Variants in APBB2 observed in about 807,000 individuals in gnomAD.
APBB2 encodes the protein Fe65-like 1.
In APBB2, 38 loss-of-function variants were observed where a neutral mutation model predicts 82.5. The observed-to-expected ratio is 0.46, with a 90% CI of 0.36 to 0.60. APBB2 has a LOEUF of 0.60. APBB2 is among the 20% of genes least tolerant of loss of function. The pLI, the probability that APBB2 is intolerant of heterozygous loss-of-function variation, is 0.00. For missense variants in APBB2, 772 were observed against 972.3 expected (o/e 0.79, Z 2.74); for synonymous variants, 341 against 368.2 (o/e 0.93, Z 0.85).
At chr4:40,931,490 A>C (rs1236855183) in intron 10 of APBB2, among the ~76,000 whole-genome samples, 1 of 152,104 alleles carries the variant, frequency 6.6e-6, no homozygotes, top group East Asian at 1.9e-4. Flanking sequence ...GGCTGGTCTC[A>C]AACTCCTGGG....
At chr4:41,210,212 C>T (rs191097887) in intron 1 of APBB2, among the ~76,000 whole-genome samples, 109 of 152,294 alleles carry the variant, frequency 7.2e-4, no homozygotes, top group African/African-American at 2.6e-3. Context: ...GCTGGGGACC[C>T]CTGCTCTTAA....
rs944608707 is a variant in APBB2, at chr4:41,112,793, G to T, written c.-260-12043C>A. ...TCATGAGGTCAGGAGTTCGAGACCA[G>T]CCTGACCAACATGGTGAAACCCCAT... On this transcript the variant is annotated intron_variant, in intron 2 of 17. Transcript: ENST00000508593. Among the ~76,000 whole-genome samples, 7 of 152,082 alleles carry T rather than the reference G, an allele frequency of 4.6e-5. 1 individual carries two copies.
chr4:41,089,286 G>A (rs912905958), intron 3 of APBB2, among the ~76,000 whole-genome samples: 3 of 152,120 alleles, frequency 2.0e-5, no homozygotes, highest in Admixed American at 6.5e-5. Context: ...TGGGATTTTG[G>A]AATATTTGCA....
intron 6 of APBB2, among the ~76,000 whole-genome samples, chr4:40,956,648 G>A (rs1359947732): frequency 6.6e-6 from 1 of 151,614 alleles, no homozygotes; most frequent in African/African-American, 2.4e-5. Flanking sequence ...AACAGTTCTG[G>A]GAGTGTTAAT....
At chr4:40,822,806 C>G (rs992505930) in intron 16 of APBB2, among the ~76,000 whole-genome samples, 1 of 152,050 alleles carries the variant, frequency 6.6e-6, no homozygotes, top group Non-Finnish European at 1.5e-5. Flanking sequence ...TGTGAGAGGT[C>G]GGGAAGTTTT....
chr4:40,961,501 G>C (rs1793196497), intron 6 of APBB2, among the ~76,000 whole-genome samples: 2 of 97,092 alleles, frequency 2.1e-5, no homozygotes, highest in Admixed American at 1.2e-4. Context: ...TTGTGGGGTG[G>C]GGGGAGGGGG....
chr4:40,984,758 G>T (rs1001539442), intron 6 of APBB2, among the ~76,000 whole-genome samples: 2 of 152,120 alleles, frequency 1.3e-5, no homozygotes, highest in Non-Finnish European at 2.9e-5. Context: ...TTTTGGTAAA[G>T]AATAGTTTGC....
intron 1 of APBB2, among the ~76,000 whole-genome samples, chr4:41,203,934 CA>C (rs1313988119): frequency 1.3e-5 from 2 of 152,218 alleles, no homozygotes; most frequent in African/African-American, 2.4e-5. Flanking sequence ...TCTTAACAAA[CA>C]TGCTTTTCAA....
intron 12 of APBB2, among the ~76,000 whole-genome samples, chr4:40,869,947 T>C (rs1235696855): frequency 6.6e-6 from 1 of 151,586 alleles, no homozygotes; most frequent in Admixed American, 6.6e-5. Flanking sequence ...TCTCCTGAAA[T>C]GAACAGAGTA....
At chr4:41,113,744 A>G (rs367951629) in intron 2 of APBB2, among the ~76,000 whole-genome samples, 10 of 152,296 alleles carry the variant, frequency 6.6e-5, no homozygotes, top group African/African-American at 2.4e-4. Flanking sequence ...TACTTTTATT[A>G]TGAAGCTTCC....
At chr4:41,142,505 A>G (rs1759538075) in intron 2 of APBB2, among the ~76,000 whole-genome samples, 1 of 152,184 alleles carries the variant, frequency 6.6e-6, no homozygotes, top group African/African-American at 2.4e-5. Context: ...GGCCAAGCAG[A>G]CTGGAGGCTC....
At position 40,991,155 on chromosome 4, in the gene APBB2, T is replaced by TTG. The variant is rs200481680; in HGVS notation, c.835+22426_835+22427dup. ...GTGCCACTACGCATGGCTAATTTTG[T>TTG]TGTGTGTGTGTGTGTTTTGCTTTTT... On this transcript the variant is annotated intron_variant, in intron 6 of 17. Transcript: ENST00000508593. Among the ~76,000 whole-genome samples, 41 of 148,980 alleles carry TTG rather than the reference T, an allele frequency of 2.8e-4. No individual in the cohort carries two copies. The South Asian group carries it at 3.9e-3, about 14-fold the overall frequency.
chr4:40,890,476 G>A lies in APBB2; in HGVS notation c.1417C>T (p.Leu473=). 6.2e-7 allele frequency: 1 copy of A among 1,614,032 alleles called. No homozygotes were observed. The highest frequency in any genetic ancestry group is 8.5e-7 in the Non-Finnish European group (1 of 1,180,016). The change falls in exon 12 of 18, where the codon CTG becomes TTG. Residue 473 remains leucine, a synonymous_variant. Transcript: ENST00000508593. ...GIWGEGKDMY[L]ILENDMLSLV... ...CTGAGCATGTCATTCTCCAGGATCA[G>A]GTACATGTCTTTCCCCTGGGACACA...
chr4:40,944,777 G>T, intron 7 of APBB2, 88 bp downstream of exon 7: 1 of 1,287,698 alleles, frequency 7.8e-7, no homozygotes, highest in Non-Finnish European at 1.1e-6. Context: ...TTACCTTGAT[G>T]ACCTGTTGGG....
intron 1 of APBB2, among the ~76,000 whole-genome samples, chr4:41,210,017 G>C (rs1209716643): frequency 6.6e-6 from 1 of 152,152 alleles, no homozygotes; most frequent in Non-Finnish European, 1.5e-5. Flanking sequence ...CATAGGGAGT[G>C]CACAACCAAG....
intron 12 of APBB2, among the ~76,000 whole-genome samples, chr4:40,844,078 T>C (rs1756777092): frequency 6.6e-6 from 1 of 152,198 alleles, no homozygotes. Flanking sequence ...CATTCCTCTC[T>C]TTTGGTGAAC....
At position 40,881,523 on chromosome 4, in the gene APBB2, CTTTTCT is replaced by C. The variant is rs1419669580; in HGVS notation, c.1529+8835_1529+8840del. The C allele has an allele frequency of 1.1e-3, 160 of 148,974 alleles. 4 individuals are homozygous for C. The highest frequency in any genetic ancestry group is 5.9e-3 in the African/African-American group (151 of 25,766). The allele number at this position is 148,974 out of a possible 1,614,324, so 9.2% of individuals were successfully genotyped here. On this transcript the variant is annotated intron_variant, in intron 12 of 17. Coordinates refer to ENST00000508593, the MANE Select transcript of APBB2 (RefSeq NM_004307.2). ...TTCGCTTTCTTTCCTTTTATCTTTT[CTTTTCT>C]TTTTCTTTTTTTTTTTTTTTTTGAT... is the stretch of plus-strand genomic sequence containing the variant.
intron 2 of APBB2, among the ~76,000 whole-genome samples, chr4:41,114,912 G>C (rs1020955433): frequency 6.6e-6 from 1 of 152,162 alleles, no homozygotes; most frequent in Non-Finnish European, 1.5e-5. Flanking sequence ...GTAATTTATA[G>C]ATTCAATGCT....
Position 40,880,561 on chromosome 4 carries a change from G to A in APBB2, c.1529+9803C>T, listed in dbSNP as rs1299840942. On this transcript the variant is annotated intron_variant, in intron 12 of 17. Transcript: ENST00000508593. ...AAAGACATTCATCCATGTTTACATG[G>A]GTTGTTAGGCTATTTCTTTACTCAA... The A allele has an allele frequency of 3.0e-6, 3 of 985,286 alleles. No homozygotes were observed. The African/African-American group carries it at 5.2e-5, about 17-fold the overall frequency. The allele number at this position is 985,286 out of a possible 1,614,324, so 61.0% of individuals were successfully genotyped here.
Sources: allele counts gnomAD v4.1 joint callset (sites outside exome capture counted in the v4.1 genomes callset), GRCh38; gene constraint gnomAD v4.1.1; transcripts MANE v1.5; gene names NCBI Gene and HGNC (gene_info 2026-07-23, HGNC 2026-07-21).